TBC1D22A: variants seen among roughly 807,000 people sequenced by gnomAD.
TBC1D22A encodes the protein putative GTPase activator.
Under a neutral mutation model 60.2 loss-of-function variants are expected in TBC1D22A, and 38 were observed. The ratio of observed to expected loss-of-function variants is 0.63; its 90% confidence interval spans 0.49 to 0.83. TBC1D22A has a LOEUF of 0.83. Ranked by LOEUF, TBC1D22A falls within the 40% of genes least tolerant of loss-of-function variation. The probability of loss-of-function intolerance (pLI) is 0.00; values close to 1 mark genes in which losing one functional copy is unlikely to be tolerated. For missense variants in TBC1D22A, 628 were observed against 701.0 expected (o/e 0.90, Z 1.18); for synonymous variants, 302 against 281.7 (o/e 1.07, Z -0.72).
intron 11 of TBC1D22A, among the ~76,000 whole-genome samples, chr22:47,040,768 C>A (rs925685735): frequency 6.6e-6 from 1 of 152,152 alleles, no homozygotes; most frequent in South Asian, 2.1e-4. Flanking sequence ...CAGGTTCTGA[C>A]AGGACATTCA....
chr22:47,098,251 C>G (rs2065260158), intron 11 of TBC1D22A, among the ~76,000 whole-genome samples: 1 of 152,132 alleles, frequency 6.6e-6, no homozygotes. Flanking sequence ...AGTATTTCTC[C>G]TTGACCTCCA....
intron 11 of TBC1D22A, among the ~76,000 whole-genome samples, chr22:47,061,751 T>C (rs2063586443): frequency 6.6e-6 from 1 of 152,148 alleles, no homozygotes; most frequent in African/African-American, 2.4e-5. Flanking sequence ...CGTAAAGGAT[T>C]CTTTCCTTAA....
At chr22:46,812,541 T>TAAA (rs2085424770) in intron 4 of TBC1D22A, among the ~76,000 whole-genome samples, 1 of 152,180 alleles carries the variant, frequency 6.6e-6, no homozygotes, top group African/African-American at 2.4e-5. Context: ...CCCACCCCTT[T>TAAA]GGGGACACTG....
At chr22:46,923,352 G>A (rs1471113466) in intron 8 of TBC1D22A, among the ~76,000 whole-genome samples, 19 of 152,238 alleles carry the variant, frequency 1.2e-4, no homozygotes, top group Admixed American at 1.2e-3. Flanking sequence ...CTATCTGCAT[G>A]GGGAGAGTCC....
At chr22:47,043,974 G>T (rs2062935328) in intron 11 of TBC1D22A, among the ~76,000 whole-genome samples, 1 of 152,224 alleles carries the variant, frequency 6.6e-6, no homozygotes, top group African/African-American at 2.4e-5. Context: ...GAGCGGGGCA[G>T]GTGCTGGGGA....
chr22:47,039,316 A>G (rs1026093385), intron 11 of TBC1D22A, among the ~76,000 whole-genome samples: 5 of 152,088 alleles, frequency 3.3e-5, no homozygotes, highest in Non-Finnish European at 7.4e-5. Flanking sequence ...GGGTATTTCT[A>G]TTTTACAGGG....
At chr22:46,790,302 C>A (rs77531718) in intron 1 of TBC1D22A, among the ~76,000 whole-genome samples, 5 of 152,346 alleles carry the variant, frequency 3.3e-5, no homozygotes, top group African/African-American at 9.6e-5. Flanking sequence ...CTCTTCTGCT[C>A]TGACCACAGC....
intron 8 of TBC1D22A, among the ~76,000 whole-genome samples, chr22:46,948,328 A>T (rs991537960): frequency 6.6e-6 from 1 of 152,226 alleles, no homozygotes; most frequent in Non-Finnish European, 1.5e-5. Flanking sequence ...AAGAAACAGT[A>T]TTAGAGTTTC....
At chr22:46,875,559 C>G (rs1308085013) in intron 4 of TBC1D22A, among the ~76,000 whole-genome samples, 1 of 151,980 alleles carries the variant, frequency 6.6e-6, no homozygotes, top group Non-Finnish European at 1.5e-5. Context: ...TCAAGTGATT[C>G]TCCTGTCTTA....
chr22:46,799,203 C>T (rs547497034), intron 4 of TBC1D22A, among the ~76,000 whole-genome samples: 2 of 152,226 alleles, frequency 1.3e-5, no homozygotes, highest in African/African-American at 2.4e-5. Flanking sequence ...TTAAACGTTT[C>T]GTGTTGATGC....
chr22:47,172,669 A>G (rs1174703982), intron 12 of TBC1D22A, among the ~76,000 whole-genome samples: 1 of 152,258 alleles, frequency 6.6e-6, no homozygotes, highest in Non-Finnish European at 1.5e-5. Flanking sequence ...ATCTCAGTCT[A>G]AGGCAAATAA....
rs376367394 is a variant in TBC1D22A at position 46,777,022 on chromosome 22, G to A, written c.62+14174G>A. The stretch of plus-strand genomic sequence containing the variant: ...CATGTTCTTCTCAGGAGCAGGGGAT[G>A]GGTCAGGGCCAGGGCTGATGGACAG... On this transcript the variant is annotated intron_variant, in intron 1 of 12. Transcript: ENST00000337137. The surrounding 1 kb of genome is among the most constrained non-coding windows in gnomAD (Gnocchi z 4.5). Among the ~76,000 whole-genome samples the A allele has an allele frequency of 2.6e-5, 4 of 152,302 alleles. No homozygotes were observed. The East Asian group carries it at 7.7e-4, about 29-fold the overall frequency.
intron 4 of TBC1D22A, among the ~76,000 whole-genome samples, chr22:46,842,656 G>A (rs992242972): frequency 6.6e-6 from 1 of 152,260 alleles, no homozygotes; most frequent in African/African-American, 2.4e-5. Flanking sequence ...ACAAATGCAT[G>A]ACCTGTGCAG....
chr22:47,162,734 G>C (rs936816847), intron 12 of TBC1D22A, among the ~76,000 whole-genome samples: 3 of 128,800 alleles, frequency 2.3e-5, no homozygotes, highest in Non-Finnish European at 4.8e-5. Flanking sequence ...GAATGGGACT[G>C]CGGACCCGGT....
chr22:47,150,567 C>T (rs1018864727), intron 12 of TBC1D22A, among the ~76,000 whole-genome samples: 3 of 152,200 alleles, frequency 2.0e-5, no homozygotes, highest in Non-Finnish European at 4.4e-5. Flanking sequence ...TCTGCCGAGC[C>T]GCCTCTGCAC....
rs189937716 is a variant in TBC1D22A at position 46,946,061 on chromosome 22, G to C, written c.1016-28229G>C. Among the ~76,000 whole-genome samples the C allele has an allele frequency of 3.5e-4, 54 of 152,320 alleles. 1 individual carries two copies. In the East Asian group the frequency reaches 6.2e-3, roughly 17 times the overall value. ...AGCCTTGTGATTCTGCACAGTATTG[G>C]CTCTTATCGTTTCTCCCTTAAAGGT... On this transcript the variant is annotated intron_variant, in intron 8 of 12. Transcript: ENST00000337137.
intron 8 of TBC1D22A, among the ~76,000 whole-genome samples, chr22:46,937,877 G>C (rs915731966): frequency 8.6e-5 from 13 of 151,930 alleles, no homozygotes; most frequent in African/African-American, 2.4e-4. Flanking sequence ...ACAGAAAAAA[G>C]CTTATAGAAT....
intron 4 of TBC1D22A, among the ~76,000 whole-genome samples, chr22:46,840,769 G>C (rs913853492): frequency 6.6e-6 from 1 of 151,790 alleles, no homozygotes; most frequent in South Asian, 2.1e-4. Context: ...ACAAGCATTC[G>C]TGAGAATTTG....
At position 46,826,170 on chromosome 22, in the gene TBC1D22A, C is replaced by T. The variant is rs543182166; in HGVS notation, c.637+28550C>T. On this transcript the variant is annotated intron_variant, in intron 4 of 12. Coordinates refer to ENST00000337137, the MANE Select transcript of TBC1D22A (RefSeq NM_014346.5). ...TGCTGGGATTATAGGCGTGAGCCAC[C>T]ACACCCAGCTGGTGGTCTTCTTTTA... Among the ~76,000 whole-genome samples, 3 of 152,280 alleles carry T rather than the reference C, an allele frequency of 2.0e-5. No individual in the cohort carries two copies. The East Asian group carries it at 5.8e-4, about 29-fold the overall frequency.
Sources: allele counts gnomAD v4.1 joint callset (sites outside exome capture counted in the v4.1 genomes callset), GRCh38; gene constraint gnomAD v4.1.1; non-coding constraint Gnocchi (gnomAD v3.1); transcripts MANE v1.5; gene names NCBI Gene and HGNC (gene_info 2026-07-23, HGNC 2026-07-21).